SYMPK: variants seen among roughly 807,000 people sequenced by gnomAD.
SYMPK encodes the protein symplekin.
SYMPK carries 49 observed loss-of-function variants against 136.4 expected under a neutral mutation model. The observed-to-expected ratio is 0.36, with a 90% CI of 0.29 to 0.46. SYMPK has a LOEUF of 0.46. Among genes scored for constraint, SYMPK ranks in the 20% least tolerant of loss-of-function variants. The probability of loss-of-function intolerance (pLI) is 1.00; values close to 1 mark genes in which losing one functional copy is unlikely to be tolerated. For synonymous variants in SYMPK, 766 were observed against 713.0 expected (o/e 1.07, Z -1.19); for missense variants, 1,365 against 1,690.0 (o/e 0.81, Z 3.37).
intron 3 of SYMPK, among the ~76,000 whole-genome samples, chr19:45,853,666 C>T (rs1323364690): frequency 1.3e-5 from 2 of 152,040 alleles, no homozygotes; most frequent in African/African-American, 4.8e-5. Context: ...ACACTTCTCT[C>T]CTTTTATCCT....
At chr19:45,823,611 C>G in intron 19 of SYMPK, 139 bp from the exon 20 acceptor site, 1 of 958,164 alleles carries the variant, frequency 1.0e-6, no homozygotes, top group South Asian at 1.5e-5. Flanking sequence ...GCAATTAGCA[C>G]CACACTGTTC....
intron 1 of SYMPK, chr19:45,855,514 C>A (rs1054212708): frequency 5.3e-5 from 8 of 151,928 alleles, no homozygotes; most frequent in African/African-American, 1.9e-4. Context: ...GCTTCAACAC[C>A]TGTGAAAGTA....
chr19:45,815,715 A>C lies in SYMPK; in HGVS notation c.3688-18T>G, dbSNP rs1374389974. ...GCCGTCTCCTGGTGACCGGGGAAGG[A>C]AAGGGCAGCCGGGTGGAGGGCGCGG... On this transcript the variant is annotated intron_variant, in intron 26 of 26. Coordinates refer to ENST00000245934, the MANE Select transcript of SYMPK (RefSeq NM_004819.3). 1.2e-6 allele frequency: 2 copies of C among 1,606,972 alleles called. No homozygotes were observed. The highest frequency in any genetic ancestry group is 1.7e-6 in the Non-Finnish European group (2 of 1,177,590).
intron 25 of SYMPK, 36 bp from the exon 26 acceptor site, chr19:45,816,219 T>G: frequency 7.0e-7 from 1 of 1,419,152 alleles, no homozygotes; most frequent in Non-Finnish European, 9.4e-7. Context: ...AGCTCAGAGG[T>G]GGGTGGCTCA....
In SYMPK at chr19:45,816,172, C is replaced by T. The variant is rs1163784145; in HGVS notation, c.3366G>A (p.Glu1122=). 6 of 1,538,848 alleles carry T rather than the reference C, an allele frequency of 3.9e-6. No individual in the cohort carries two copies. In the African/African-American group the frequency reaches 6.8e-5, roughly 18 times the overall value. Reference sequence around the variant, plus strand: ...CTGGGGCCGGGGCCAAGGTCAGGGGCTCCAGATCATCCTGGGGATAGGGAG... The same window carrying T: ...CTGGGGCCGGGGCCAAGGTCAGGGGTTCCAGATCATCCTGGGGATAGGGAG... ...PAGPLEEDDL[E]PLTLAPAPAP... is the part of the protein sequence containing the mutation. The change falls in exon 26 of 27, where the codon GAG becomes GAA. Residue 1122 remains glutamate, a synonymous_variant. Coordinates refer to ENST00000245934, the MANE Select transcript of SYMPK (RefSeq NM_004819.3).
chr19:45,815,785 C>T, intron 26 of SYMPK, 66 bp downstream of exon 26: 3 of 1,587,512 alleles, frequency 1.9e-6, no homozygotes, highest in Middle Eastern at 3.4e-4. Flanking sequence ...GATGGCCCCT[C>T]CTCCCCCACC....
chr19:45,842,544 C>T (rs1971467291), intron 8 of SYMPK, 55 bp from the exon 9 acceptor site: 1 of 1,588,504 alleles, frequency 6.3e-7, no homozygotes, highest in Admixed American at 1.7e-5. Context: ...GGCATGCTGC[C>T]AGTCTTAATT....
In SYMPK at chr19:45,841,294, C is replaced by G. The variant is rs552582622; in HGVS notation, c.1087+956G>C. On this transcript the variant is annotated intron_variant, in intron 9 of 26. Coordinates refer to ENST00000245934, the MANE Select transcript of SYMPK (RefSeq NM_004819.3). ...CCACTGTGCCTGGCAATTCCCCCCC[C>G]ACCTTTTTTTTTTTTGAGACAGAGT... Among the ~76,000 whole-genome samples, 215 of 145,980 alleles carry G rather than the reference C, an allele frequency of 1.5e-3. 1 individual carries two copies. The highest frequency in any genetic ancestry group is 2.5e-3 in the Non-Finnish European group (165 of 66,498).
chr19:45,816,101 T>C lies in SYMPK; in HGVS notation c.3437A>G (p.Glu1146Gly). Residue 1146 changes from glutamate (E) to glycine (G), a missense_variant, in exon 26 of 27, where the codon GAG (glutamate) becomes GGG (glycine). Physicochemically the swap from Glu to Gly is moderately conservative, Grantham distance 98. This residue lies in a region of SYMPK where 341 missense variants were observed against 270.5 expected (regional missense o/e 1.26). Coordinates refer to ENST00000245934, the MANE Select transcript of SYMPK (RefSeq NM_004819.3). ...QDLIGLRLAQ[E>G]KALKRQLEEE... ...CTCCAGCTGCCGCTTTAAGGCCTTC[T>C]CCTGGGCCAGTCGCAGGCCGATGAG... The C allele has an allele frequency of 6.4e-7, 1 of 1,556,300 alleles. No individual in the cohort carries two copies. Among genetic ancestry groups the C allele is most frequent in the Non-Finnish European group, 8.7e-7 (1 of 1,149,958 alleles).
intron 1 of SYMPK, chr19:45,861,972 G>C (rs1255672992): frequency 6.6e-6 from 1 of 151,022 alleles, no homozygotes; most frequent in Non-Finnish European, 1.5e-5. Context: ...TTGAACCAGG[G>C]AGGTGGAGGT....
chr19:45,821,564 G>A lies in SYMPK; in HGVS notation c.2792-79C>T, dbSNP rs185500331. On this transcript the variant is annotated intron_variant, in intron 21 of 26. Coordinates refer to ENST00000245934, the MANE Select transcript of SYMPK (RefSeq NM_004819.3). The surrounding 1 kb of genome is among the most constrained non-coding windows in gnomAD (Gnocchi z 4.4). ...GAGATGGGTCTGAGTTCCCCAGATC[G>A]GGGGAGCTGCGAGCAAAGATGAGGT... The A allele has an allele frequency of 4.6e-4, 437 of 947,176 alleles. 3 individuals are homozygous for A. The African/African-American group carries it at 6.4e-3, about 14-fold the overall frequency. 58.7% of individuals were successfully genotyped at this position (947,176 alleles called of 1,614,324 possible). A position where few individuals can be genotyped will look rare whatever the true frequency, so the allele number is the denominator to read the frequency against.
rs1050497251 is a variant in SYMPK, at chr19:45,827,434, G to T, written c.2181+76C>A. On this transcript the variant is annotated intron_variant, in intron 16 of 26. Transcript: ENST00000245934. ...CTTGCAAGGGAGTGTGGAAGACGTGGGCTGGTTACTCAGGATAGAGGCGGC... is the reference window on the plus strand; with the variant it reads ...CTTGCAAGGGAGTGTGGAAGACGTGTGCTGGTTACTCAGGATAGAGGCGGC... 45 of 988,198 alleles carry T rather than the reference G, an allele frequency of 4.6e-5. No individual in the cohort carries two copies. In the South Asian group the frequency reaches 6.0e-4, roughly 13 times the overall value. The allele number at this position is 988,198 out of a possible 1,614,324, so 61.2% of individuals were successfully genotyped here. A position where few individuals can be genotyped will look rare whatever the true frequency, so the allele number is the denominator to read the frequency against.
intron 1 of SYMPK, among the ~76,000 whole-genome samples, chr19:45,859,790 CCAA>C (rs1226040262): frequency 6.6e-6 from 1 of 151,170 alleles, no homozygotes; most frequent in Non-Finnish European, 1.5e-5. Context: ...GCCTATAATC[CCAA>C]CATTTTGGGA....
chr19:45,821,213 G>T lies in SYMPK; in HGVS notation c.2893+171C>A, dbSNP rs557833826. ...AGGAGGGAGGGAGGGAGGGAGGGAA[G>T]AGGAGGCAAGAAAAGGAGGGAGGGA... is the stretch of plus-strand genomic sequence containing the variant. On this transcript the variant is annotated intron_variant, in intron 22 of 26. Coordinates refer to ENST00000245934, the MANE Select transcript of SYMPK (RefSeq NM_004819.3). The surrounding 1 kb of genome is among the most constrained non-coding windows in gnomAD (Gnocchi z 4.4). 21 of 697,492 alleles carry T rather than the reference G, an allele frequency of 3.0e-5. No homozygotes were observed. The highest frequency in any genetic ancestry group is 5.2e-5 in the Non-Finnish European group (20 of 383,904). The allele number at this position is 697,492 out of a possible 1,614,324, so 43.2% of individuals were successfully genotyped here.
At chr19:45,847,093 C>T (rs1971580658) in intron 7 of SYMPK, among the ~76,000 whole-genome samples, 1 of 152,026 alleles carries the variant, frequency 6.6e-6, no homozygotes, top group South Asian at 2.1e-4. Context: ...CACACCTGGC[C>T]TATGTCCTAC....
At position 45,830,199 on chromosome 19, in the gene SYMPK, G is replaced by A. The variant is rs1355218517; in HGVS notation, c.1604C>T (p.Ala535Val). The change falls in exon 13 of 27, where the codon GCA becomes GTA. Residue 535 changes from alanine to valine, a missense_variant. By Grantham distance (64) the Ala-to-Val change is moderately conservative (BLOSUM62 0). Around this residue, in one of 11 missense-constraint regions of SYMPK, gnomAD observed 303 missense variants for 326.6 expected, o/e 0.93. Coordinates refer to ENST00000245934, the MANE Select transcript of SYMPK (RefSeq NM_004819.3). The part of the protein sequence containing the change: ...PIIPVTQPRL[A>V]GAGGRKKIFR... The stretch of plus-strand genomic sequence containing the variant: ...AATTTTCTTGCGCCCACCAGCGCCT[G>A]CCAGCCTGTGTGGAAGAGCAGTGAC... 1 of 1,609,856 alleles carries A rather than the reference G, an allele frequency of 6.2e-7. No homozygotes were observed. Among genetic ancestry groups the A allele is most frequent in the Non-Finnish European group, 8.5e-7 (1 of 1,177,708 alleles).
chr19:45,823,625 A>G, intron 19 of SYMPK, 142 bp downstream of exon 19: 2 of 974,018 alleles, frequency 2.1e-6, no homozygotes, highest in Non-Finnish European at 3.2e-6. Flanking sequence ...ACTGTTCCAA[A>G]TGGAGAAACT....
Position 45,816,480 on chromosome 19 carries a change from A to AC in SYMPK, c.3354+1dup. 6.2e-7 allele frequency: 1 copy of AC among 1,610,158 alleles called. No individual in the cohort carries two copies. The highest frequency in any genetic ancestry group is 8.5e-7 in the Non-Finnish European group (1 of 1,179,356). On this transcript the variant is annotated splice_donor_variant, in intron 25 of 26. Coordinates refer to ENST00000245934, the MANE Select transcript of SYMPK (RefSeq NM_004819.3). LOFTEE classifies it high-confidence loss of function. ...CAGATGGGTGGGCTGCAGGGCCCTC[A>AC]CCTCCTCCAAGGGCCCCGCAGGCGC...
rs371771615 is a variant in SYMPK, at chr19:45,823,385, T to C, written c.2687A>G (p.Asn896Ser). Residue 896 changes from asparagine (N) to serine (S), a missense_variant, in exon 20 of 27, where the codon AAT becomes AGT. Asn to Ser is a conservative substitution (Grantham distance 46). Transcript: ENST00000245934. ...CCAGCTCCATACCTTCTCCAGCCCATTGAGCACCGGGATGAGGAAGCGGAC... is the reference window on the plus strand; with the variant it reads ...CCAGCTCCATACCTTCTCCAGCCCACTGAGCACCGGGATGAGGAAGCGGAC... ...PDVRFLIPVLNGLEKKEVIQA... is the reference protein window; with the variant it reads ...PDVRFLIPVLSGLEKKEVIQA... 3.1e-6 allele frequency: 5 copies of C among 1,613,788 alleles called. No homozygotes were observed. In the African/African-American group the frequency reaches 4.0e-5, roughly 13 times the overall value.
Sources: allele counts gnomAD v4.1 joint callset (sites outside exome capture counted in the v4.1 genomes callset), GRCh38; gene constraint gnomAD v4.1.1; regional missense constraint gnomAD v4.1.1; non-coding constraint Gnocchi (gnomAD v3.1); transcripts MANE v1.5; gene names NCBI Gene and HGNC (gene_info 2026-07-23, HGNC 2026-07-21).